SNX14: variants seen among roughly 807,000 people sequenced by gnomAD.
SNX14 encodes sorting nexin 14, also known as sorting nexin-14.
In SNX14, 93 loss-of-function variants were observed where a neutral mutation model predicts 133.8. The ratio of observed to expected loss-of-function variants is 0.70; its 90% CI spans 0.59 to 0.83. The LOEUF is 0.83. SNX14 is among the 40% of genes least tolerant of loss of function. The pLI, the probability that SNX14 is intolerant of heterozygous loss-of-function variation, is 0.00. For missense variants in SNX14, 945 were observed against 1,094.9 expected (o/e 0.86, Z 1.93); for synonymous variants, 368 against 365.6 (o/e 1.01, Z -0.07).
intron 7 of SNX14, among the ~76,000 whole-genome samples, chr6:85,550,882 C>G (rs923232112): frequency 2.6e-5 from 4 of 151,922 alleles, no homozygotes; most frequent in Admixed American, 6.6e-5. Flanking sequence ...CTCCCAGGTT[C>G]AAGCAATTCT....
chr6:85,580,146 A>G (rs573366650), intron 1 of SNX14, among the ~76,000 whole-genome samples: 1 of 152,140 alleles, frequency 6.6e-6, no homozygotes, highest in Non-Finnish European at 1.5e-5. Context: ...CTTAGATACC[A>G]TCTCAGGGAC....
chr6:85,546,191 A>G lies in SNX14; in HGVS notation c.1108+921T>C, dbSNP rs142527981. Among the ~76,000 whole-genome samples the G allele has an allele frequency of 7.7e-3, 1,172 of 151,932 alleles. 12 individuals are homozygous for G. Among genetic ancestry groups the G allele is most frequent in the African/African-American group, 0.027 (1,123 of 41,404 alleles). ...GAGTGGATCTCTTGGGAAGGATCCT[A>G]AGGGAATTTTCTGGGCTGATGGAAA... On this transcript the variant is annotated intron_variant, in intron 12 of 28. Coordinates refer to ENST00000314673, the MANE Select transcript of SNX14 (RefSeq NM_153816.6).
At chr6:85,523,230 C>T (rs969454551) in intron 21 of SNX14, among the ~76,000 whole-genome samples, 2 of 152,032 alleles carry the variant, frequency 1.3e-5, no homozygotes, top group African/African-American at 4.8e-5. Context: ...CCTAAGTTAA[C>T]AAAGACAGAA....
rs1269399726 is a variant in SNX14, at chr6:85,547,650, T to G, written c.868-100A>C. 7.4e-6 allele frequency: 8 copies of G among 1,081,860 alleles called. No individual in the cohort carries two copies. In the East Asian group the frequency reaches 2.1e-4, roughly 29 times the overall value. The allele number at this position is 1,081,860 out of a possible 1,614,324, so 67.0% of individuals were successfully genotyped here. A position where few individuals can be genotyped will look rare whatever the true frequency, so the allele number is the denominator to read the frequency against. On this transcript the variant is annotated intron_variant, in intron 9 of 28. Coordinates refer to ENST00000314673, the MANE Select transcript of SNX14 (RefSeq NM_153816.6). Reference sequence around the variant, plus strand: ...CATATTATGTAAGTTTCTAGAAAAATGAAAAAATAAATGGAGCAGTAGCAA... The same window carrying G: ...CATATTATGTAAGTTTCTAGAAAAAGGAAAAAATAAATGGAGCAGTAGCAA...
chr6:85,548,688 G>T (rs528642155), intron 8 of SNX14, among the ~76,000 whole-genome samples: 2 of 152,172 alleles, frequency 1.3e-5, no homozygotes, highest in African/African-American at 4.8e-5. Flanking sequence ...CTCTCTATCG[G>T]CCGGGTGGGG....
chr6:85,530,479 T>C (rs1779884939), intron 18 of SNX14, among the ~76,000 whole-genome samples: 2 of 151,998 alleles, frequency 1.3e-5, no homozygotes, highest in African/African-American at 2.4e-5. Flanking sequence ...ATCCCGCTTC[T>C]ACTAAAAATA....
At chr6:85,544,817 G>C (rs1192143856) in intron 12 of SNX14, among the ~76,000 whole-genome samples, 3 of 152,182 alleles carry the variant, frequency 2.0e-5, no homozygotes, top group African/African-American at 7.2e-5. Flanking sequence ...TTTAAGAACT[G>C]TGAAAATGAT....
chr6:85,558,665 T>C (rs1790545541), intron 6 of SNX14, among the ~76,000 whole-genome samples: 1 of 152,222 alleles, frequency 6.6e-6, no homozygotes, highest in East Asian at 1.9e-4. Context: ...GGTTTCGCCA[T>C]GTTGCCCAGG....
intron 6 of SNX14, among the ~76,000 whole-genome samples, chr6:85,560,912 T>C (rs1489213081): frequency 6.6e-6 from 1 of 151,128 alleles, no homozygotes; most frequent in Non-Finnish European, 1.5e-5. Context: ...CGGGCACCTG[T>C]AATCCTAGCT....
At chr6:85,580,556 C>T (rs1319444583) in intron 1 of SNX14, among the ~76,000 whole-genome samples, 2 of 152,132 alleles carry the variant, frequency 1.3e-5, no homozygotes, top group Non-Finnish European at 2.9e-5. Context: ...AATTCCAGGC[C>T]TTGGCTCTTA....
intron 5 of SNX14, among the ~76,000 whole-genome samples, chr6:85,565,753 T>C (rs530407123): frequency 6.6e-6 from 1 of 152,226 alleles, no homozygotes; most frequent in East Asian, 1.9e-4. Flanking sequence ...ATGAATAATT[T>C]TGGAGAAGCA....
intron 7 of SNX14, among the ~76,000 whole-genome samples, chr6:85,554,466 C>G (rs1359662350): frequency 1.3e-5 from 2 of 151,992 alleles, no homozygotes; most frequent in East Asian, 3.8e-4. Flanking sequence ...ACTTTACTTC[C>G]TGAATTATGC....
chr6:85,554,574 G>A (rs1011857634), intron 7 of SNX14, among the ~76,000 whole-genome samples: 1 of 152,110 alleles, frequency 6.6e-6, no homozygotes, highest in Admixed American at 6.5e-5. Flanking sequence ...TTACTATCAT[G>A]ATATTTAGAA....
At chr6:85,582,216 C>A (rs1029692908) in intron 1 of SNX14, among the ~76,000 whole-genome samples, 1 of 151,992 alleles carries the variant, frequency 6.6e-6, no homozygotes, top group Admixed American at 6.6e-5. Context: ...ATATTTAAAG[C>A]GCTGAAGGAA....
chr6:85,510,708 A>G (rs1772488478), intron 26 of SNX14, among the ~76,000 whole-genome samples: 1 of 152,144 alleles, frequency 6.6e-6, no homozygotes, highest in Non-Finnish European at 1.5e-5. Flanking sequence ...GGTCATCTAC[A>G]TTTTCTCCCA....
intron 13 of SNX14, 99 bp from the exon 14 acceptor site, chr6:85,543,405 G>C: frequency 8.3e-7 from 1 of 1,199,592 alleles, no homozygotes; most frequent in East Asian, 2.7e-5. Context: ...ACACTAGATT[G>C]AGAAATTAGA....
At position 85,554,609 on chromosome 6, in the gene SNX14, G is replaced by T. The variant is rs903106847; in HGVS notation, c.634+3367C>A. Among the ~76,000 whole-genome samples, 5 of 152,234 alleles carry T rather than the reference G, an allele frequency of 3.3e-5. No homozygotes were observed. The South Asian group carries it at 1.0e-3, about 32-fold the overall frequency. On this transcript the variant is annotated intron_variant, in intron 7 of 28. Transcript: ENST00000314673. Reference sequence around the variant, plus strand: ...ACACTGGGATCTTGGGATAAAATAAGAGCCCTCCTAATTCTCTGAGCCTTT... The same window carrying T: ...ACACTGGGATCTTGGGATAAAATAATAGCCCTCCTAATTCTCTGAGCCTTT...
intron 17 of SNX14, among the ~76,000 whole-genome samples, chr6:85,535,206 G>A (rs989359542): frequency 6.6e-6 from 1 of 151,108 alleles, no homozygotes; most frequent in Non-Finnish European, 1.5e-5. Context: ...GTAAAGACAG[G>A]GTCTCACCAT....
At chr6:85,589,895 A>G (rs1583175221) in intron 1 of SNX14, among the ~76,000 whole-genome samples, 1 of 152,180 alleles carries the variant, frequency 6.6e-6, no homozygotes, top group Non-Finnish European at 1.5e-5. Flanking sequence ...AGCACTGACA[A>G]TCCTTTCCAT....
Sources: allele counts gnomAD v4.1 joint callset (sites outside exome capture counted in the v4.1 genomes callset), GRCh38; gene constraint gnomAD v4.1.1; transcripts MANE v1.5; gene names NCBI Gene and HGNC (gene_info 2026-07-23, HGNC 2026-07-21).